Variants in TTC21B observed in about 807,000 individuals in gnomAD.
TTC21B encodes the protein tetratricopeptide repeat protein 21B.
TTC21B carries 127 observed loss-of-function variants against 175.1 expected under a neutral mutation model. That is an observed-to-expected ratio of 0.73 (90% CI 0.63 to 0.84). The LOEUF (loss-of-function observed/expected upper bound fraction) is 0.84, where lower values mean the gene tolerates loss of function less well. TTC21B is among the 40% of genes least tolerant of loss of function. The pLI is 0.00. For synonymous variants in TTC21B, 524 were observed against 524.5 expected, an observed-to-expected ratio of 1.00 and a Z score of 0.01; for missense variants, 1,561 against 1,558.3, an observed-to-expected ratio of 1.00 and a Z score of -0.03.
At chr2:165,885,028 T>C (rs2105285834) in intron 25 of TTC21B, among the ~76,000 whole-genome samples, 1 of 152,282 alleles carries the variant, frequency 6.6e-6, no homozygotes, top group Admixed American at 6.5e-5. Flanking sequence ...CCAGCCCCTG[T>C]AGTCCCAGCT....
At chr2:165,876,096 C>T (rs1376255448) in intron 28 of TTC21B, 69 bp downstream of exon 28, 2 of 893,552 alleles carry the variant, frequency 2.2e-6, no homozygotes, top group Non-Finnish European at 3.7e-6. Context: ...TCACATACAT[C>T]TGGAGATTTA....
At chr2:165,882,119 C>T (rs770682977) in intron 26 of TTC21B, among the ~76,000 whole-genome samples, 34 of 152,102 alleles carry the variant, frequency 2.2e-4, no homozygotes, top group Admixed American at 7.9e-4. Flanking sequence ...GTCTGTTCTT[C>T]TGTTGGGAGG....
chr2:165,951,474 G>C (rs1362322572), intron 1 of TTC21B, among the ~76,000 whole-genome samples: 2 of 152,170 alleles, frequency 1.3e-5, no homozygotes, highest in African/African-American at 4.8e-5. Flanking sequence ...CCTGCGCCAA[G>C]ACCTCTTGTC....
rs745836391 is a variant in TTC21B at position 165,911,374 on chromosome 2, T to C, written c.2414A>G (p.Tyr805Cys). 8 of 1,613,848 alleles carry C rather than the reference T, an allele frequency of 5.0e-6. No homozygotes were observed. The highest frequency in any genetic ancestry group is 1.6e-4 in the Middle Eastern group (1 of 6,076). ...CTGAAGAACTTTTTCTGCTTTGTCATACCATTTCAATTTTAATAAGAGCTC... is the reference window on the plus strand; with the variant it reads ...CTGAAGAACTTTTTCTGCTTTGTCACACCATTTCAATTTTAATAAGAGCTC... ...LAELLLKLKW[Y>C]DKAEKVLQHA... Residue 805 changes from tyrosine (Y) to cysteine (C), a missense_variant, in exon 18 of 29, where the codon TAT becomes TGT. By Grantham distance (194) the Tyr-to-Cys change is radical (BLOSUM62 -2). Coordinates refer to ENST00000243344, the MANE Select transcript of TTC21B (RefSeq NM_024753.5).
chr2:165,940,696 A>G (rs1387793856), intron 6 of TTC21B, among the ~76,000 whole-genome samples: 2 of 152,206 alleles, frequency 1.3e-5, no homozygotes, highest in African/African-American at 4.8e-5. Flanking sequence ...TCTTTTCCCC[A>G]TAGCACTTAT....
chr2:165,921,160 G>C (rs1015473799), intron 12 of TTC21B, among the ~76,000 whole-genome samples: 2 of 152,160 alleles, frequency 1.3e-5, no homozygotes, highest in Non-Finnish European at 2.9e-5. Flanking sequence ...AGCTGTGCCA[G>C]AAAGACCAAC....
chr2:165,908,797 T>C (rs72885095), intron 18 of TTC21B, among the ~76,000 whole-genome samples: 204 of 152,260 alleles, frequency 1.3e-3, no homozygotes, highest in Non-Finnish European at 2.6e-3. Context: ...ATATGATACT[T>C]GAATCTCTCT....
chr2:165,886,626 A>T (rs951986000), intron 25 of TTC21B, among the ~76,000 whole-genome samples: 2 of 150,074 alleles, frequency 1.3e-5, no homozygotes, highest in African/African-American at 5.1e-5. Context: ...AAGGATGATT[A>T]AAAAAAATAA....
At chr2:165,946,368 TA>T (rs1687565218) in intron 3 of TTC21B, among the ~76,000 whole-genome samples, 1 of 151,996 alleles carries the variant, frequency 6.6e-6, no homozygotes, top group Non-Finnish European at 1.5e-5. Context: ...AAATTTTATT[TA>T]AAAATACTTG....
intron 22 of TTC21B, among the ~76,000 whole-genome samples, chr2:165,895,187 C>T (rs1685321877): frequency 6.6e-6 from 1 of 151,980 alleles, no homozygotes; most frequent in African/African-American, 2.4e-5. Flanking sequence ...GGAAAAAACC[C>T]AAGCAAAGAC....
chr2:165,941,825 A>C (rs1687379000), intron 5 of TTC21B, among the ~76,000 whole-genome samples: 1 of 152,156 alleles, frequency 6.6e-6, no homozygotes, highest in Non-Finnish European at 1.5e-5. Context: ...AAAAATGATG[A>C]TATAAATTTG....
At chr2:165,874,859 A>G (rs1225828679) in intron 28 of TTC21B, 27 bp from the exon 29 acceptor site, 1 of 1,604,630 alleles carries the variant, frequency 6.2e-7, no homozygotes, top group South Asian at 1.1e-5. Context: ...GAACCCATAA[A>G]AACTTGTAAC....
chr2:165,928,840 G>C (rs1686775606), intron 11 of TTC21B: 1 of 370,006 alleles, frequency 2.7e-6, no homozygotes, highest in Admixed American at 4.1e-5. Flanking sequence ...TGATGTTACA[G>C]ACTGGTAGCA....
chr2:165,930,458 C>A, intron 8 of TTC21B, 94 bp from the exon 9 acceptor site: 2 of 933,894 alleles, frequency 2.1e-6, no homozygotes, highest in South Asian at 4.4e-5. Context: ...ATTATTTGTA[C>A]TTCAAAGGAG....
chr2:165,882,259 G>A (rs1253711495), intron 26 of TTC21B, among the ~76,000 whole-genome samples: 2 of 152,100 alleles, frequency 1.3e-5, no homozygotes, highest in Non-Finnish European at 2.9e-5. Flanking sequence ...GATGAGAAAC[G>A]TCTCATTGAC....
At chr2:165,878,033 T>C (rs760405088) in intron 27 of TTC21B, among the ~76,000 whole-genome samples, 1 of 152,224 alleles carries the variant, frequency 6.6e-6, no homozygotes, top group Non-Finnish European at 1.5e-5. Flanking sequence ...TGGCTTGAGC[T>C]GTCATTTTCA....
chr2:165,929,616 A>G (rs763947351), intron 10 of TTC21B, 34 bp downstream of exon 10: 17 of 1,394,876 alleles, frequency 1.2e-5, no homozygotes, highest in Non-Finnish European at 1.7e-5. Flanking sequence ...ATAAACAGCT[A>G]GCATCTACCA....
chr2:165,907,111 G>A (rs1320944394), intron 19 of TTC21B, among the ~76,000 whole-genome samples: 1 of 151,736 alleles, frequency 6.6e-6, no homozygotes, highest in Non-Finnish European at 1.5e-5. Context: ...AGAGATATAA[G>A]GTGTTTTAAC....
At chr2:165,930,067 A>G (rs1199274496) in intron 9 of TTC21B, 105 bp downstream of exon 9, 1 of 1,088,364 alleles carries the variant, frequency 9.2e-7, no homozygotes, top group Non-Finnish European at 1.4e-6. Flanking sequence ...AGAACAATTT[A>G]AGTTTAGAAA....
Sources: gnomAD v4.1 joint callset for allele counts (sites outside exome capture counted in the v4.1 genomes callset) on GRCh38, gnomAD v4.1.1 for gene constraint, MANE v1.5 for transcripts, NCBI Gene and HGNC (gene_info 2026-07-23, HGNC 2026-07-21) for gene names.